MYO18B: variants seen among roughly 807,000 people sequenced by gnomAD.
MYO18B encodes unconventional myosin-XVIIIb.
In MYO18B, 204 loss-of-function variants were observed where a neutral mutation model predicts 273.0. The observed-to-expected ratio is 0.75, with a 90% confidence interval of 0.67 to 0.84. The LOEUF (loss-of-function observed/expected upper bound fraction) is 0.84, where lower values mean the gene tolerates loss of function less well. MYO18B is among the 40% of genes least tolerant of loss of function. The probability of loss-of-function intolerance (pLI) is 0.00; values close to 1 mark genes in which losing one functional copy is unlikely to be tolerated. For missense variants in MYO18B, 3,212 were observed against 3,287.6 expected (o/e 0.98, Z 0.56); for synonymous variants, 1,330 against 1,305.7 (o/e 1.02, Z -0.40).
At chr22:25,820,867 A>C (rs1259034436) in intron 12 of MYO18B, among the ~76,000 whole-genome samples, 1 of 152,022 alleles carries the variant, frequency 6.6e-6, no homozygotes, top group Non-Finnish European at 1.5e-5. Context: ...AGTATGCTCT[A>C]TTCTGCTTTC....
At chr22:26,024,336 C>T (rs940935306) in intron 42 of MYO18B, among the ~76,000 whole-genome samples, 8 of 152,084 alleles carry the variant, frequency 5.3e-5, no homozygotes, top group African/African-American at 1.7e-4. Context: ...GAGGAAGGCA[C>T]CATGACTAGG....
intron 22 of MYO18B, among the ~76,000 whole-genome samples, chr22:25,870,788 A>C (rs2091025893): frequency 2.6e-5 from 4 of 152,160 alleles, no homozygotes; most frequent in Admixed American, 2.6e-4. Flanking sequence ...TCTGTATAAC[A>C]AGCCCTCTAG....
intron 39 of MYO18B, among the ~76,000 whole-genome samples, chr22:25,970,554 C>T (rs974813017): frequency 3.9e-5 from 6 of 152,078 alleles, no homozygotes; most frequent in African/African-American, 7.2e-5. Context: ...GCCGCCCGCC[C>T]GCTTGGATAA....
chr22:26,004,800 A>G lies in MYO18B; in HGVS notation c.6415A>G (p.Thr2139Ala). 6.2e-7 allele frequency: 1 copy of G among 1,613,958 alleles called. No individual in the cohort carries two copies. Among genetic ancestry groups the G allele is most frequent in the Non-Finnish European group, 8.5e-7 (1 of 1,179,842 alleles). The part of the protein sequence containing the change: ...LSCTLSLATD[T>A]MRTPSRQSAT... The stretch of plus-strand genomic sequence containing the variant: ...CTGTACTCTGTCCCTGGCCACAGAT[A>G]CTATGAGGACTCCTTCTCGACAGTC... Residue 2139 changes from threonine (T) to alanine (A), a missense_variant, in exon 42 of 44, where the codon ACT (threonine) becomes GCT (alanine). Coordinates refer to ENST00000335473, the MANE Select transcript of MYO18B (RefSeq NM_032608.7).
At chr22:25,832,780 T>C in intron 15 of MYO18B, 137 bp from the exon 16 acceptor site, 1 of 618,600 alleles carries the variant, frequency 1.6e-6, no homozygotes, top group Non-Finnish European at 2.7e-6. Flanking sequence ...ATGTATCTTT[T>C]GCCAAAATTT....
chr22:25,890,938 C>A, intron 26 of MYO18B, 63 bp downstream of exon 26: 2 of 1,564,502 alleles, frequency 1.3e-6, no homozygotes, highest in South Asian at 1.2e-5. Flanking sequence ...TGGGTCTGCT[C>A]CCCGACCCTC....
chr22:25,753,478 A>G, intron 1 of MYO18B, among the ~76,000 whole-genome samples: 1 of 152,186 alleles, frequency 6.6e-6, no homozygotes, highest in East Asian at 1.9e-4. Context: ...GGGTCAGATA[A>G]GGGAATGAAA....
chr22:25,932,033 A>C lies in MYO18B; in HGVS notation c.5517+10624A>C, dbSNP rs186545290. Among the ~76,000 whole-genome samples, 14 of 151,996 alleles carry C rather than the reference A, an allele frequency of 9.2e-5. No homozygotes were observed. The East Asian group carries it at 2.7e-3, about 29-fold the overall frequency. On this transcript the variant is annotated intron_variant, in intron 34 of 43. Transcript: ENST00000335473. ...ATTACAGGCTTGAGCCAACACGCCCAGCCTATGCCCATTTTATACAGGAGG... is the reference window on the plus strand; with the variant it reads ...ATTACAGGCTTGAGCCAACACGCCCCGCCTATGCCCATTTTATACAGGAGG...
chr22:25,940,025 T>C (rs2092625416), intron 34 of MYO18B, among the ~76,000 whole-genome samples: 1 of 152,226 alleles, frequency 6.6e-6, no homozygotes, highest in African/African-American at 2.4e-5. Context: ...TCATAACCTT[T>C]GTGCATGGCA....
intron 11 of MYO18B, among the ~76,000 whole-genome samples, chr22:25,787,100 A>G (rs1000867992): frequency 1.3e-5 from 2 of 152,140 alleles, no homozygotes; most frequent in African/African-American, 4.8e-5. Flanking sequence ...CTGTAGTTCC[A>G]GCTGCTTGGG....
At chr22:25,881,365 CTG>C (rs1273960253) in intron 25 of MYO18B, among the ~76,000 whole-genome samples, 2 of 152,232 alleles carry the variant, frequency 1.3e-5, no homozygotes, top group East Asian at 1.9e-4. Flanking sequence ...ATGCAAAAGA[CTG>C]TAAGGGGGAG....
At chr22:25,832,708 T>G (rs1000284156) in intron 15 of MYO18B, among the ~76,000 whole-genome samples, 1 of 152,170 alleles carries the variant, frequency 6.6e-6, no homozygotes, top group East Asian at 1.9e-4. Context: ...CACAACAACA[T>G]GAATGTACCT....
intron 23 of MYO18B, 75 bp downstream of exon 23, chr22:25,874,489 G>A: frequency 6.5e-7 from 1 of 1,531,768 alleles, no homozygotes; most frequent in Non-Finnish European, 8.8e-7. Context: ...TGTCTTTCAG[G>A]ATGATACCGG....
intron 34 of MYO18B, among the ~76,000 whole-genome samples, chr22:25,941,480 C>T (rs1451210800): frequency 1.3e-5 from 2 of 152,180 alleles, no homozygotes; most frequent in East Asian, 1.9e-4. Context: ...TTTTCAAAGG[C>T]GAGTCTGGCC....
At chr22:26,004,032 T>C (rs1300325951) in intron 41 of MYO18B, among the ~76,000 whole-genome samples, 1 of 151,462 alleles carries the variant, frequency 6.6e-6, no homozygotes, top group Non-Finnish European at 1.5e-5. Flanking sequence ...GTTAAGTTCA[T>C]GTGGACAAGA....
At chr22:25,867,856 CT>C (rs2090934959) in intron 21 of MYO18B, among the ~76,000 whole-genome samples, 1 of 152,164 alleles carries the variant, frequency 6.6e-6, no homozygotes, top group South Asian at 2.1e-4. Context: ...TGGTCTCGAT[CT>C]CCTGACCTCG....
intron 42 of MYO18B, among the ~76,000 whole-genome samples, chr22:26,008,135 G>A (rs9613081): frequency 0.25 from 37,318 of 151,976 alleles, 4,694 homozygotes; most frequent in African/African-American, 0.28. Context: ...GTATGCATAA[G>A]TTCATCTCAT....
chr22:25,866,524 T>C (rs970161743), intron 21 of MYO18B, among the ~76,000 whole-genome samples: 3 of 152,078 alleles, frequency 2.0e-5, no homozygotes, highest in Non-Finnish European at 4.4e-5. Flanking sequence ...ATCATATCTA[T>C]TGGGCTCCTA....
At chr22:25,745,188 C>A (rs1026275971) in intron 1 of MYO18B, among the ~76,000 whole-genome samples, 1 of 152,122 alleles carries the variant, frequency 6.6e-6, no homozygotes, top group Non-Finnish European at 1.5e-5. Context: ...CGGCTCACTG[C>A]AACCTCTGCC....
Sources: allele counts gnomAD v4.1 joint callset (sites outside exome capture counted in the v4.1 genomes callset), GRCh38; gene constraint gnomAD v4.1.1; transcripts MANE v1.5; gene names NCBI Gene and HGNC (gene_info 2026-07-23, HGNC 2026-07-21).